EYS: variants seen among roughly 807,000 people sequenced by gnomAD.
EYS encodes the protein protein eyes shut homolog.
EYS carries 250 observed loss-of-function variants against 282.1 expected under a neutral mutation model. The observed-to-expected ratio is 0.89, with a 90% CI of 0.80 to 0.98. The LOEUF is 0.98. Ranked by LOEUF, EYS falls within the 50% of genes least tolerant of loss-of-function variation. The pLI, the probability that EYS is intolerant of heterozygous loss-of-function variation, is 0.00. For synonymous variants in EYS, 1,355 were observed against 1,282.9 expected, an observed-to-expected ratio of 1.06 and a Z score of -1.20; for missense variants, 4,016 against 3,709.0, an observed-to-expected ratio of 1.08 and a Z score of -2.15.
intron 12 of EYS, among the ~76,000 whole-genome samples, chr6:65,117,856 A>G (rs1461957068): frequency 1.3e-5 from 2 of 152,196 alleles, no homozygotes; most frequent in Non-Finnish European, 2.9e-5. Context: ...GACTAGCAAT[A>G]CCAGATTTGT....
intron 12 of EYS, among the ~76,000 whole-genome samples, chr6:65,290,812 C>T (rs1768504237): frequency 6.6e-6 from 1 of 151,136 alleles, no homozygotes; most frequent in African/African-American, 2.4e-5. Context: ...TTATTACTTC[C>T]CCTTCTATTT....
At chr6:65,078,197 C>T (rs1267403904) in intron 12 of EYS, among the ~76,000 whole-genome samples, 8 of 152,032 alleles carry the variant, frequency 5.3e-5, no homozygotes, top group Non-Finnish European at 8.8e-5. Flanking sequence ...TATTTATATG[C>T]CAGCATGCAC....
intron 29 of EYS, among the ~76,000 whole-genome samples, chr6:64,309,552 A>T (rs1769590430): frequency 6.6e-6 from 1 of 150,762 alleles, no homozygotes; most frequent in African/African-American, 2.5e-5. Flanking sequence ...GCTTCCAAAT[A>T]AATTCCCACT....
chr6:65,290,364 A>G (rs1325802325), intron 12 of EYS, among the ~76,000 whole-genome samples: 1 of 151,192 alleles, frequency 6.6e-6, no homozygotes, highest in Non-Finnish European at 1.5e-5. Context: ...AAGAGAAAAT[A>G]CAAAAGATGA....
intron 28 of EYS, among the ~76,000 whole-genome samples, chr6:64,407,817 C>T (rs1234158405): frequency 2.6e-5 from 4 of 151,988 alleles, no homozygotes; most frequent in Admixed American, 6.6e-5. Context: ...CTGCAACCTC[C>T]GCCTCCTGGG....
intron 28 of EYS, among the ~76,000 whole-genome samples, chr6:64,410,992 T>C (rs767789739): frequency 1.3e-5 from 2 of 152,156 alleles, no homozygotes; most frequent in Non-Finnish European, 2.9e-5. Flanking sequence ...TAAAGTTTAA[T>C]CAGCTTTTAA....
At position 65,128,586 on chromosome 6, in the gene EYS, G is replaced by T. The variant is rs148606914; in HGVS notation, c.2024-70859C>A. On this transcript the variant is annotated intron_variant, in intron 12 of 42. Coordinates refer to ENST00000503581, the MANE Select transcript of EYS (RefSeq NM_001142800.2). ...CAATTCTATTTACATTAGCTAAAAAGAATAAAATAAGCAGGAATACAGCTA... is the reference window on the plus strand; with the variant it reads ...CAATTCTATTTACATTAGCTAAAAATAATAAAATAAGCAGGAATACAGCTA... Among the ~76,000 whole-genome samples the T allele has an allele frequency of 3.4e-3, 519 of 151,988 alleles. 2 individuals carry two copies. The highest frequency in any genetic ancestry group is 0.014 in the Middle Eastern group (4 of 294).
Position 64,024,814 on chromosome 6 carries a change from C to T in EYS, c.6726-25631G>A, listed in dbSNP as rs889243593. 4.6e-5 allele frequency among the ~76,000 whole-genome samples: 7 copies of T among 152,072 alleles called. No individual in the cohort carries two copies. The South Asian group carries it at 8.3e-4, about 18-fold the overall frequency. ...CGAACCCACCAGAAGGAAGAAACTC[C>T]AAACACATCCGAACATCAGAAGGAA... On this transcript the variant is annotated intron_variant, in intron 33 of 42. Transcript: ENST00000503581.
intron 12 of EYS, among the ~76,000 whole-genome samples, chr6:65,177,122 G>T (rs1298956444): frequency 6.6e-6 from 1 of 151,622 alleles, no homozygotes; most frequent in Non-Finnish European, 1.5e-5. Context: ...TTTTAACTTA[G>T]CATTTTGAGT....
intron 31 of EYS, among the ~76,000 whole-genome samples, chr6:64,115,407 A>T (rs1166478118): frequency 6.6e-6 from 1 of 152,144 alleles, no homozygotes; most frequent in East Asian, 1.9e-4. Context: ...GAGCATGCTC[A>T]TAAGCTGGAC....
chr6:64,401,302 G>A (rs1003190770), intron 28 of EYS, among the ~76,000 whole-genome samples: 1 of 151,926 alleles, frequency 6.6e-6, no homozygotes, highest in Non-Finnish European at 1.5e-5. Context: ...TTAATTGAAA[G>A]CAATAAACCT....
chr6:64,583,561 CA>C (rs1442711051), intron 26 of EYS, among the ~76,000 whole-genome samples: 1 of 152,048 alleles, frequency 6.6e-6, no homozygotes, highest in Non-Finnish European at 1.5e-5. Context: ...TTTGGGAGGC[CA>C]AGGTGGGCTT....
At chr6:65,329,363 C>T (rs558259396) in intron 11 of EYS, 1 of 878,000 alleles carries the variant, frequency 1.1e-6, no homozygotes, top group South Asian at 5.3e-5. Flanking sequence ...TCTAGAATTG[C>T]TTAAATGAAT....
intron 26 of EYS, among the ~76,000 whole-genome samples, chr6:64,535,268 A>G (rs1764482931): frequency 6.6e-6 from 1 of 152,194 alleles, no homozygotes; most frequent in African/African-American, 2.4e-5. Flanking sequence ...AGGCCTTAGA[A>G]TACTACTGTT....
chr6:65,338,373 A>G (rs1770071027), intron 10 of EYS, among the ~76,000 whole-genome samples: 1 of 151,128 alleles, frequency 6.6e-6, no homozygotes, highest in African/African-American at 2.4e-5. Flanking sequence ...AGCAGAGGAA[A>G]GATTTCTCAA....
At chr6:63,909,404 A>T (rs1442292210) in intron 35 of EYS, among the ~76,000 whole-genome samples, 1 of 152,214 alleles carries the variant, frequency 6.6e-6, no homozygotes, top group East Asian at 1.9e-4. Flanking sequence ...CTTTGCAAAT[A>T]AAATCTACCG....
chr6:64,295,688 C>T (rs1459438518), intron 30 of EYS, among the ~76,000 whole-genome samples: 2 of 144,820 alleles, frequency 1.4e-5, no homozygotes, highest in African/African-American at 5.2e-5. Context: ...GAGATCGCGC[C>T]GCTGCACTCC....
intron 16 of EYS, among the ~76,000 whole-genome samples, chr6:64,903,599 T>C (rs1168472987): frequency 2.6e-5 from 4 of 152,194 alleles, no homozygotes; most frequent in African/African-American, 9.6e-5. Context: ...ACTTGTAATG[T>C]TGGCATGCGA....
At chr6:65,496,144 T>C (rs1766250676) in intron 2 of EYS, 151 bp from the exon 3 acceptor site, 1 of 152,104 alleles carries the variant, frequency 6.6e-6, no homozygotes, top group African/African-American at 2.4e-5. Context: ...GAAAATTCTG[T>C]TGTGCAAATG....
Sources: gnomAD v4.1 joint callset for allele counts (sites outside exome capture counted in the v4.1 genomes callset) on GRCh38, gnomAD v4.1.1 for gene constraint, MANE v1.5 for transcripts, NCBI Gene and HGNC (gene_info 2026-07-23, HGNC 2026-07-21) for gene names.